FANCI: variants seen among roughly 807,000 people sequenced by gnomAD.
FANCI encodes the protein FA complementation group I.
Under a neutral mutation model 176.1 loss-of-function variants are expected in FANCI, and 156 were observed. The ratio of observed to expected loss-of-function variants is 0.89; its 90% CI spans 0.78 to 1.01. The LOEUF is 1.01. Ranked by LOEUF, FANCI falls within the 50% of genes least tolerant of loss-of-function variation. The pLI is 0.00. For missense variants in FANCI, 1,678 were observed against 1,534.1 expected, an observed-to-expected ratio of 1.09 and a Z score of -1.57; for synonymous variants, 613 against 541.7, an observed-to-expected ratio of 1.13 and a Z score of -1.83.
chr15:89,306,334 A>G lies in FANCI; in HGVS notation c.3537+140A>G, dbSNP rs893459150. On this transcript the variant is annotated intron_variant, in intron 32 of 37. Transcript: ENST00000310775. ...CTCCATCTTGGCAGGTCATGGTTTC[A>G]TTTTAGTTTGGTCAGTAGGTGGCAG... 3 of 869,702 alleles carry G rather than the reference A, an allele frequency of 3.4e-6. No homozygotes were observed. The African/African-American group carries it at 5.0e-5, about 14-fold the overall frequency. 53.9% of individuals were successfully genotyped at this position (869,702 alleles called of 1,614,324 possible). A position where few individuals can be genotyped will look rare whatever the true frequency, so the allele number is the denominator to read the frequency against.
chr15:89,282,403 C>T (rs2053648695), intron 16 of FANCI: 2 of 163,384 alleles, frequency 1.2e-5, no homozygotes, highest in Non-Finnish European at 2.7e-5. Flanking sequence ...TCCCTCCTAA[C>T]ATCTCTTCCT....
chr15:89,299,029 C>T (rs1035315139), intron 24 of FANCI, among the ~76,000 whole-genome samples: 1 of 151,976 alleles, frequency 6.6e-6, no homozygotes, highest in Non-Finnish European at 1.5e-5. Context: ...CAAAAATTAG[C>T]TGGGCGTGGT....
chr15:89,264,412 A>C, intron 8 of FANCI, 110 bp from the exon 9 acceptor site: 8 of 842,856 alleles, frequency 9.5e-6, no homozygotes, highest in African/African-American at 1.7e-5. Flanking sequence ...GTCATAGATT[A>C]TTTATTTAAA....
intron 14 of FANCI, among the ~76,000 whole-genome samples, chr15:89,279,355 G>A (rs1425002283): frequency 6.6e-6 from 1 of 152,038 alleles, no homozygotes; most frequent in Admixed American, 6.6e-5. Flanking sequence ...ACAGGGTTTC[G>A]CCATGCTGGC....
chr15:89,314,124 C>T (rs918937834), intron 35 of FANCI, among the ~76,000 whole-genome samples: 10 of 148,220 alleles, frequency 6.7e-5, no homozygotes, highest in African/African-American at 1.8e-4. Flanking sequence ...GAAAGACACA[C>T]ACACAAAAAC....
intron 36 of FANCI, 37 bp downstream of exon 36, chr15:89,314,744 T>C (rs1484511903): frequency 6.8e-7 from 1 of 1,472,672 alleles, no homozygotes; most frequent in African/African-American, 1.4e-5. Flanking sequence ...CATTCCCATT[T>C]ACCTTCTTGA....
intron 9 of FANCI, among the ~76,000 whole-genome samples, chr15:89,267,583 T>G (rs968429485): frequency 6.6e-6 from 1 of 151,636 alleles, no homozygotes; most frequent in Non-Finnish European, 1.5e-5. Flanking sequence ...GATTGTGAGA[T>G]AAAAAAGGAG....
intron 18 of FANCI, among the ~76,000 whole-genome samples, chr15:89,289,672 C>G (rs1025140870): frequency 6.6e-6 from 1 of 151,766 alleles, no homozygotes; most frequent in African/African-American, 2.4e-5. Flanking sequence ...CACAGATGAA[C>G]TGTATAACCT....
intron 19 of FANCI, among the ~76,000 whole-genome samples, chr15:89,291,081 A>G (rs2054048283): frequency 6.6e-6 from 1 of 152,222 alleles, no homozygotes; most frequent in African/African-American, 2.4e-5. Context: ...TATGCAGGAC[A>G]GTAAAATTCT....
intron 2 of FANCI, among the ~76,000 whole-genome samples, chr15:89,254,173 C>T (rs958181460): frequency 2.0e-5 from 3 of 152,182 alleles, no homozygotes; most frequent in East Asian, 1.9e-4. Flanking sequence ...GTTTGGGCAA[C>T]GTGGTCAAAT....
At chr15:89,252,644 G>A (rs1393452226) in intron 2 of FANCI, among the ~76,000 whole-genome samples, 1 of 152,196 alleles carries the variant, frequency 6.6e-6, no homozygotes, top group Non-Finnish European at 1.5e-5. Flanking sequence ...GGAGGCTGAG[G>A]CAGGAGAATT....
In FANCI at chr15:89,316,925, A is replaced by C. The variant is rs2055287559; in HGVS notation, c.*466A>C. 7.8e-6 allele frequency: 7 copies of C among 892,338 alleles called. No homozygotes were observed. In the South Asian group the frequency reaches 9.3e-5, roughly 12 times the overall value. The allele number at this position is 892,338 out of a possible 1,614,324, so 55.3% of individuals were successfully genotyped here. A position where few individuals can be genotyped will look rare whatever the true frequency, so the allele number is the denominator to read the frequency against. The stretch of plus-strand genomic sequence containing the variant: ...AGCTTAATGCTAAGGTCAAAAGGAG[A>C]GTGAAAGGTTGAGAACAATTGCCAC... On this transcript the variant is annotated 3_prime_UTR_variant, in exon 38 of 38. Transcript: ENST00000310775.
At chr15:89,250,770 A>T (rs2052212390) in intron 2 of FANCI, among the ~76,000 whole-genome samples, 1 of 151,194 alleles carries the variant, frequency 6.6e-6, no homozygotes, top group African/African-American at 2.4e-5. Context: ...CAAACAAATT[A>T]CAGGATTTTT....
intron 9 of FANCI, among the ~76,000 whole-genome samples, chr15:89,267,110 C>T (rs148841627): frequency 1.7e-3 from 260 of 152,136 alleles, no homozygotes; most frequent in African/African-American, 5.9e-3. Context: ...TGCTTGAGCT[C>T]AGGAGTTCAA....
At chr15:89,272,638 C>G (rs573703199) in intron 10 of FANCI, among the ~76,000 whole-genome samples, 6 of 152,054 alleles carry the variant, frequency 3.9e-5, no homozygotes, top group Admixed American at 2.6e-4. Flanking sequence ...GATTTCTGAT[C>G]CATTCAAGGA....
chr15:89,263,586 C>G (rs1444885876), intron 7 of FANCI, 126 bp downstream of exon 7: 2 of 923,924 alleles, frequency 2.2e-6, no homozygotes, highest in East Asian at 2.5e-5. Context: ...GTTATGTTTT[C>G]TGTTACAGAT....
In FANCI at chr15:89,263,915, G is replaced by T. The variant is rs746658213; in HGVS notation, c.558G>T (p.Leu186=). ...QLTSMFKDVP[L]TAEEVEFVVE... The stretch of plus-strand genomic sequence containing the variant: ...CTTTGATCCACAGGGATGTCCCTCT[G>T]ACTGCAGAAGAGGTGGAATTTGTGG... The change falls in exon 8 of 38, where the codon CTG becomes CTT. Residue 186 remains leucine, a synonymous_variant. Coordinates refer to ENST00000310775, the MANE Select transcript of FANCI (RefSeq NM_001113378.2). 3.7e-6 allele frequency: 6 copies of T among 1,613,970 alleles called. No homozygotes were observed. The highest frequency in any genetic ancestry group is 4.2e-6 in the Non-Finnish European group (5 of 1,179,962).
At chr15:89,291,540 C>G in intron 19 of FANCI, 73 bp from the exon 20 acceptor site, 1 of 1,189,840 alleles carries the variant, frequency 8.4e-7, no homozygotes, top group Non-Finnish European at 1.3e-6. Context: ...TTAAAGATAC[C>G]TTTCACCTGA....
intron 11 of FANCI, among the ~76,000 whole-genome samples, 196 bp downstream of exon 11, chr15:89,273,665 T>A (rs1017405664): frequency 1.3e-5 from 2 of 152,196 alleles, no homozygotes; most frequent in South Asian, 4.1e-4. Context: ...TTTACAGGTT[T>A]TTGGTTTATT....
Sources: allele counts gnomAD v4.1 joint callset (sites outside exome capture counted in the v4.1 genomes callset), GRCh38; gene constraint gnomAD v4.1.1; transcripts MANE v1.5; gene names NCBI Gene and HGNC (gene_info 2026-07-23, HGNC 2026-07-21).